ZFAND3: variants seen among roughly 807,000 people sequenced by gnomAD.
The protein encoded by ZFAND3 is AN1-type zinc finger protein 3.
Under a neutral mutation model 29.6 loss-of-function variants are expected in ZFAND3, and 10 were observed. That is an observed-to-expected ratio of 0.34 (90% CI 0.21 to 0.57). The LOEUF (loss-of-function observed/expected upper bound fraction) is 0.57, where lower values mean the gene tolerates loss of function less well. ZFAND3 is among the 20% of genes least tolerant of loss of function. The probability of loss-of-function intolerance (pLI) is 0.86; values close to 1 mark genes in which losing one functional copy is unlikely to be tolerated. For synonymous variants in ZFAND3, 128 were observed against 112.6 expected, an observed-to-expected ratio of 1.14 and a Z score of -0.87; for missense variants, 230 against 304.5, an observed-to-expected ratio of 0.76 and a Z score of 1.82.
chr6:37,930,502 C>T (rs1269447137), intron 2 of ZFAND3, among the ~76,000 whole-genome samples: 1 of 152,068 alleles, frequency 6.6e-6, no homozygotes, highest in African/African-American at 2.4e-5. Context: ...TGAGACCAGC[C>T]TGGGCAACAT....
At chr6:38,097,781 T>C (rs1358828268) in intron 4 of ZFAND3, among the ~76,000 whole-genome samples, 1 of 152,078 alleles carries the variant, frequency 6.6e-6, no homozygotes, top group Non-Finnish European at 1.5e-5. Flanking sequence ...GAAGAGAAAC[T>C]TGAGGGAGTG....
chr6:37,858,174 C>A (rs949606928), intron 1 of ZFAND3, among the ~76,000 whole-genome samples: 2 of 152,122 alleles, frequency 1.3e-5, no homozygotes, highest in Non-Finnish European at 2.9e-5. Flanking sequence ...CCCTAGGTGT[C>A]CAGTCAGTCT....
At position 37,999,178 on chromosome 6, in the gene ZFAND3, C is replaced by T. The variant is rs56320212; in HGVS notation, c.113-62415C>T. Among the ~76,000 whole-genome samples the T allele has an allele frequency of 1.8e-4, 27 of 152,302 alleles. No homozygotes were observed. In the East Asian group the frequency reaches 4.6e-3, roughly 26 times the overall value. ...AGGGACACAGGAGCCAGCTGAAGAG[C>T]TCCCAGTGGCCCAAGCTGGAAGGAA... On this transcript the variant is annotated intron_variant, in intron 2 of 5. Transcript: ENST00000287218.
intron 5 of ZFAND3, among the ~76,000 whole-genome samples, chr6:38,147,789 T>C (rs1040732348): frequency 1.3e-5 from 2 of 152,232 alleles, no homozygotes; most frequent in African/African-American, 4.8e-5. Context: ...AATTGTCTAT[T>C]CATGTCCTTT....
intron 5 of ZFAND3, among the ~76,000 whole-genome samples, chr6:38,138,991 A>C (rs73421874): frequency 0.069 from 10,490 of 152,264 alleles, 429 homozygotes; most frequent in Non-Finnish European, 0.088. Flanking sequence ...GAAATTACCT[A>C]AAGGAGAAAA....
chr6:38,154,328 C>T lies in ZFAND3; in HGVS notation c.*1939C>T. On this transcript the variant is annotated 3_prime_UTR_variant, in exon 6 of 6. Transcript: ENST00000287218. ...AGCCATGGGAAGGAGCCCAGGGGAG[C>T]TGGCCTGGGGGAGCGAAGCCCATGT... The T allele has an allele frequency of 1.0e-6, 1 of 983,216 alleles. No individual in the cohort carries two copies. The allele number at this position is 983,216 out of a possible 1,614,324, so 60.9% of individuals were successfully genotyped here.
Position 37,944,999 on chromosome 6 carries a change from T to G in ZFAND3, c.112+15000T>G, listed in dbSNP as rs572778304. ...AAGATTTCTGGAAAAAGGTGAAAAT[T>G]TCTCAACTTTAGTGCCACCCATTTT... is the stretch of plus-strand genomic sequence containing the variant. On this transcript the variant is annotated intron_variant, in intron 2 of 5. Coordinates refer to ENST00000287218, the MANE Select transcript of ZFAND3 (RefSeq NM_021943.3). Among the ~76,000 whole-genome samples the G allele has an allele frequency of 1.2e-4, 18 of 152,290 alleles. No individual in the cohort carries two copies. The East Asian group carries it at 1.7e-3, about 15-fold the overall frequency.
intron 2 of ZFAND3, among the ~76,000 whole-genome samples, chr6:37,954,428 T>A (rs1225055957): frequency 6.6e-6 from 1 of 152,224 alleles, no homozygotes; most frequent in Non-Finnish European, 1.5e-5. Context: ...TGTTCACTAA[T>A]CATCTGCAAT....
chr6:37,836,829 A>G (rs1763977257), intron 1 of ZFAND3, among the ~76,000 whole-genome samples: 1 of 152,190 alleles, frequency 6.6e-6, no homozygotes, highest in Non-Finnish European at 1.5e-5. Context: ...TTAGTCTTCT[A>G]GGTTCTGGCA....
intron 1 of ZFAND3, among the ~76,000 whole-genome samples, chr6:37,895,964 TGGGA>T (rs1408383661): frequency 6.6e-6 from 1 of 152,214 alleles, no homozygotes; most frequent in Admixed American, 6.5e-5. Flanking sequence ...TTCTTACTGA[TGGGA>T]ACACGCACTA....
intron 2 of ZFAND3, among the ~76,000 whole-genome samples, chr6:37,984,521 C>T (rs984532941): frequency 6.6e-6 from 1 of 152,158 alleles, no homozygotes; most frequent in African/African-American, 2.4e-5. Flanking sequence ...CTTGTGAGTT[C>T]CTCTATAGTT....
chr6:38,120,146 T>C (rs1581934608), intron 5 of ZFAND3, among the ~76,000 whole-genome samples: 1 of 152,054 alleles, frequency 6.6e-6, no homozygotes, highest in Admixed American at 6.5e-5. Context: ...CATTTTCTAC[T>C]CAGTAAGCAA....
rs973617689 is a variant in ZFAND3, at chr6:38,152,301, G to A, written c.596G>A (p.Arg199His). 5.0e-6 allele frequency: 8 copies of A among 1,609,416 alleles called. No homozygotes were observed. In the East Asian group the frequency reaches 6.7e-5, roughly 14 times the overall value. The change falls in exon 6 of 6, where the codon CGT becomes CAT. Residue 199 changes from arginine to histidine, a missense_variant. Physicochemically the swap from Arg to His is conservative, Grantham distance 29 (BLOSUM62 0). Coordinates refer to ENST00000287218, the MANE Select transcript of ZFAND3 (RefSeq NM_021943.3). Reference sequence around the variant, plus strand: ...GACTGCACATTCGACCACATGGGCCGTGGCCGGGAGGAAGCCATCATGAAA... The same window carrying A: ...GACTGCACATTCGACCACATGGGCCATGGCCGGGAGGAAGCCATCATGAAA... The part of the protein sequence containing the change: ...QHDCTFDHMG[R>H]GREEAIMKMV...
intron 2 of ZFAND3, among the ~76,000 whole-genome samples, chr6:38,035,972 C>CT (rs1763649339): frequency 6.6e-6 from 1 of 152,222 alleles, no homozygotes; most frequent in Non-Finnish European, 1.5e-5. Flanking sequence ...ATTTGAGCCA[C>CT]AACCAGCTTC....
intron 2 of ZFAND3, among the ~76,000 whole-genome samples, chr6:38,050,439 C>T (rs1321349130): frequency 6.6e-6 from 1 of 152,068 alleles, no homozygotes; most frequent in African/African-American, 2.4e-5. Context: ...TTCCCATAAT[C>T]CCCACATCAT....
At chr6:37,914,132 A>G (rs548610553) in intron 1 of ZFAND3, among the ~76,000 whole-genome samples, 1 of 152,348 alleles carries the variant, frequency 6.6e-6, no homozygotes, top group South Asian at 2.1e-4. Flanking sequence ...GCATGAAAAC[A>G]GCATTCATTT....
At chr6:37,843,433 A>G (rs941921227) in intron 1 of ZFAND3, among the ~76,000 whole-genome samples, 60 of 149,608 alleles carry the variant, frequency 4.0e-4, no homozygotes, top group Non-Finnish European at 7.9e-4. Flanking sequence ...CTTGCAGAGA[A>G]CCGAGATCGT....
chr6:38,105,018 C>A (rs758766187), intron 4 of ZFAND3, among the ~76,000 whole-genome samples: 3 of 152,186 alleles, frequency 2.0e-5, no homozygotes, highest in Non-Finnish European at 2.9e-5. Flanking sequence ...TGACTGTGGG[C>A]AGTTCACTTA....
chr6:38,103,484 C>CACATATAT (rs1765145257), intron 4 of ZFAND3, among the ~76,000 whole-genome samples: 3 of 5,448 alleles, frequency 5.5e-4, no homozygotes, highest in African/African-American at 1.1e-3. Flanking sequence ...TATATACACA[C>CACATATAT]ATATATACAC....
Sources: allele counts gnomAD v4.1 joint callset (sites outside exome capture counted in the v4.1 genomes callset), GRCh38; gene constraint gnomAD v4.1.1; transcripts MANE v1.5; gene names NCBI Gene and HGNC (gene_info 2026-07-23, HGNC 2026-07-21).